Variants in KCNG4 observed in about 807,000 individuals in gnomAD.
KCNG4 encodes the protein potassium voltage-gated channel modifier subfamily G member 4.
Under a neutral mutation model 28.2 loss-of-function variants are expected in KCNG4, and 30 were observed. The ratio of observed to expected loss-of-function variants is 1.06; its 90% CI spans 0.80 to 1.44. The LOEUF is 1.44. Among genes scored for constraint, KCNG4 ranks in the 40% most tolerant of loss-of-function variants. The pLI is 0.00. For synonymous variants in KCNG4, 375 were observed against 315.5 expected (o/e 1.19, Z -2.00); for missense variants, 879 against 712.3 (o/e 1.23, Z -2.66).
At chr16:84,227,312 C>A (rs1904719714) in intron 2 of KCNG4, among the ~76,000 whole-genome samples, 1 of 152,210 alleles carries the variant, frequency 6.6e-6, no homozygotes, top group Non-Finnish European at 1.5e-5. Context: ...TGTGGTGGCT[C>A]ACGCCTGTAA....
chr16:84,228,408 C>T (rs531314506), intron 2 of KCNG4, among the ~76,000 whole-genome samples: 6 of 152,300 alleles, frequency 3.9e-5, no homozygotes, highest in South Asian at 2.1e-4. Context: ...GGCCCTGGCC[C>T]GAGGCCCTGA....
chr16:84,236,392 T>G lies in KCNG4; in HGVS notation c.756+338A>C, dbSNP rs1597621637. The G allele has an allele frequency of 1.2e-5, 5 of 421,424 alleles. No individual in the cohort carries two copies. The South Asian group carries it at 1.6e-4, about 14-fold the overall frequency. 26.1% of individuals were successfully genotyped at this position (421,424 alleles called of 1,614,324 possible). A position where few individuals can be genotyped will look rare whatever the true frequency, so the allele number is the denominator to read the frequency against. On this transcript the variant is annotated intron_variant, in intron 2 of 2. Coordinates refer to ENST00000308251, the MANE Select transcript of KCNG4 (RefSeq NM_172347.3). ...GTGGGAGACAGGCTCAGAGAGGAGG[T>G]GGCGTGATTTGCCTGTAGTCACAGA...
At chr16:84,234,374 T>C (rs2151339522) in intron 2 of KCNG4, among the ~76,000 whole-genome samples, 1 of 152,146 alleles carries the variant, frequency 6.6e-6, no homozygotes, top group Non-Finnish European at 1.5e-5. Context: ...AGATGGAGTT[T>C]TACCGTGTTG....
At chr16:84,234,433 C>T (rs989650980) in intron 2 of KCNG4, among the ~76,000 whole-genome samples, 1 of 152,202 alleles carries the variant, frequency 6.6e-6, no homozygotes, top group African/African-American at 2.4e-5. Context: ...CCCACCTCGG[C>T]TTCCCAGAGT....
intron 2 of KCNG4, among the ~76,000 whole-genome samples, chr16:84,234,239 T>C (rs1364787743): frequency 6.6e-6 from 1 of 152,222 alleles, no homozygotes; most frequent in Non-Finnish European, 1.5e-5. Context: ...AGTGGCACAA[T>C]CTTGGCTCAC....
intron 2 of KCNG4, among the ~76,000 whole-genome samples, chr16:84,230,496 CG>C (rs1397440826): frequency 6.6e-6 from 1 of 151,786 alleles, no homozygotes; most frequent in East Asian, 1.9e-4. Context: ...GGCGTGAACC[CG>C]GGGGGCAGAG....
Position 84,237,146 on chromosome 16 carries a change from C to G in KCNG4, c.340G>C (p.Asp114His). The change falls in exon 2 of 3, where the codon GAC becomes CAC. Residue 114 changes from aspartate to histidine, a missense_variant. Coordinates refer to ENST00000308251, the MANE Select transcript of KCNG4 (RefSeq NM_172347.3). ...ACCCCGAAGGCGCTGGGGCTCCTGT[C>G]GAAGAAGAACTCCTGGCTGTCCTCG... ...YDEDSQEFFF[D>H]RSPSAFGVIV... The G allele has an allele frequency of 6.2e-7, 1 of 1,614,154 alleles. No individual in the cohort carries two copies. The highest frequency in any genetic ancestry group is 8.5e-7 in the Non-Finnish European group (1 of 1,180,038).
intron 2 of KCNG4, among the ~76,000 whole-genome samples, chr16:84,224,318 GT>G (rs1165017112): frequency 6.6e-6 from 1 of 151,960 alleles, no homozygotes; most frequent in African/African-American, 2.4e-5. Flanking sequence ...ATTAATGTAG[GT>G]TTGAGCTGCA....
chr16:84,222,404 G>T lies in KCNG4; in HGVS notation c.1373C>A (p.Ser458Tyr), dbSNP rs141788420. Residue 458 changes from serine to tyrosine, a missense_variant, in exon 3 of 3, where the codon TCC becomes TAC. Ser to Tyr is a moderately radical substitution (Grantham distance 144, BLOSUM62 -2). Coordinates refer to ENST00000308251, the MANE Select transcript of KCNG4 (RefSeq NM_172347.3). ...FPATSIFHTF[S>Y]HSYLELKKEQ... The stretch of plus-strand genomic sequence containing the variant: ...CTTCTTGAGCTCCAGGTAGGAGTGG[G>T]AGAAGGTGTGGAAGATAGACGTGGC... 2 of 1,614,198 alleles carry T rather than the reference G, an allele frequency of 1.2e-6. No individual in the cohort carries two copies. The highest frequency in any genetic ancestry group is 2.2e-5 in the South Asian group (2 of 91,084).
Position 84,222,684 on chromosome 16 carries a change from G to T in KCNG4, c.1093C>A (p.Arg365Ser), listed in dbSNP as rs369952898. 2 of 1,612,970 alleles carry T rather than the reference G, an allele frequency of 1.2e-6. No homozygotes were observed. The highest frequency in any genetic ancestry group is 1.7e-6 in the Non-Finnish European group (2 of 1,179,756). Residue 365 changes from arginine (R) to serine (S), a missense_variant, in exon 3 of 3, where the codon CGC becomes AGC. Physicochemically the swap from Arg to Ser is moderately radical, Grantham distance 110. Transcript: ENST00000308251. ...AGGCCGAACTCACGTGTGCAACGGC[G>T]CACGGTGAGCCCCAGCGTCTGCAGC... is the stretch of plus-strand genomic sequence containing the variant. ...LGLQTLGLTV[R>S]RCTREFGLLL...
chr16:84,222,268 A>G lies in KCNG4; in HGVS notation c.1509T>C (p.Asp503=), dbSNP rs1322033215. 1.9e-6 allele frequency: 3 copies of G among 1,614,208 alleles called. No homozygotes were observed. The highest frequency in any genetic ancestry group is 2.2e-5 in the East Asian group (1 of 44,876). The change falls in exon 3 of 3, where the codon GAT becomes GAC. Residue 503 remains aspartate (D), a synonymous_variant. Transcript: ENST00000308251. ...GGCCCTCCAGGATTAGGTCATTGAC[A>G]TCGTTCATGAGCTCATGTTCACTGG... ...HVASEHELMN[D]VNDLILEGPA...
intron 2 of KCNG4, 141 bp from the exon 3 acceptor site, chr16:84,223,161 T>C (rs77053792): frequency 2.8e-6 from 2 of 702,700 alleles, no homozygotes; most frequent in Non-Finnish European, 2.3e-6. Context: ...AGTTTTCCAG[T>C]TGTGGCTGGG....
intron 2 of KCNG4, among the ~76,000 whole-genome samples, chr16:84,224,856 T>C (rs751362071): frequency 3.3e-5 from 5 of 152,232 alleles, no homozygotes; most frequent in Admixed American, 6.5e-5. Flanking sequence ...AGGAACTTTC[T>C]GTGCCCTACC....
Position 84,239,949 on chromosome 16 carries a change from T to A in KCNG4, c.-320A>T, listed in dbSNP as rs1056248090. 1.3e-5 allele frequency among the ~76,000 whole-genome samples: 2 copies of A among 150,182 alleles called. No individual in the cohort carries two copies. The highest frequency in any genetic ancestry group is 3.0e-5 in the Non-Finnish European group (2 of 67,656). ...TTTTTTTTTTTAAAGGACCCAGAAG[T>A]CCCTTTCCTTATGAGAGATGAGGGT... On this transcript the variant is annotated 5_prime_UTR_variant, in exon 1 of 3. Coordinates refer to ENST00000308251, the MANE Select transcript of KCNG4 (RefSeq NM_172347.3).
Position 84,222,654 on chromosome 16 carries a change from G to A in KCNG4, c.1123C>T (p.Leu375Phe), listed in dbSNP as rs781235723. The change falls in exon 3 of 3, where the codon CTT becomes TTT. Residue 375 changes from leucine (L) to phenylalanine (F), a missense_variant. By Grantham distance (22) the Leu-to-Phe change is conservative. Transcript: ENST00000308251. ...GTGATGGCCACGGCCAGGAAGAGAA[G>A]GAGCAGGCCGAACTCACGTGTGCAA... ...RRCTREFGLL[L>F]LFLAVAITLF... 1.9e-6 allele frequency: 3 copies of A among 1,613,202 alleles called. No individual in the cohort carries two copies. Among genetic ancestry groups the A allele is most frequent in the Non-Finnish European group, 2.5e-6 (3 of 1,179,944 alleles).
Position 84,222,561 on chromosome 16 carries a change from G to A in KCNG4, c.1216C>T (p.Pro406Ser), listed in dbSNP as rs756870448. 6.2e-7 allele frequency: 1 copy of A among 1,613,442 alleles called. No homozygotes were observed. Among genetic ancestry groups the A allele is most frequent in the African/African-American group, 1.3e-5 (1 of 75,054 alleles). ...SGRVLEFTSIPASYWWAIISM... is the reference protein window; with the variant it reads ...SGRVLEFTSISASYWWAIISM... ...ATGATGGCCCACCAATAGGAGGCGG[G>A]GATGCTGGTGAACTCCAGCACCCGC... The change falls in exon 3 of 3, where the codon CCC becomes TCC. Residue 406 changes from proline (P) to serine (S), a missense_variant. Coordinates refer to ENST00000308251, the MANE Select transcript of KCNG4 (RefSeq NM_172347.3).
rs973224864 is a variant in KCNG4, at chr16:84,236,936, G to T, written c.550C>A (p.Leu184Met). 3.1e-6 allele frequency: 5 copies of T among 1,613,642 alleles called. No homozygotes were observed. Among genetic ancestry groups the T allele is most frequent in the Admixed American group, 3.3e-5 (2 of 60,030 alleles). Residue 184 changes from leucine to methionine, a missense_variant, in exon 2 of 3, where the codon CTG (leucine) becomes ATG (methionine). Physicochemically the swap from Leu to Met is conservative, Grantham distance 15. Coordinates refer to ENST00000308251, the MANE Select transcript of KCNG4 (RefSeq NM_172347.3). ...ELAKLHREDV[L>M]RQQRETRRPA... ...CGGCGGGTCTCCCTCTGCTGCCTCA[G>T]TACGTCCTCCCTGTGCAGCTTGGCC...
intron 2 of KCNG4, among the ~76,000 whole-genome samples, chr16:84,233,304 G>A (rs762697816): frequency 1.5e-4 from 23 of 152,168 alleles, no homozygotes; most frequent in Admixed American, 4.6e-4. Context: ...TCTGGCCTTC[G>A]CACCATCATG....
At chr16:84,228,806 G>A (rs1460751673) in intron 2 of KCNG4, among the ~76,000 whole-genome samples, 1 of 152,256 alleles carries the variant, frequency 6.6e-6, no homozygotes, top group African/African-American at 2.4e-5. Flanking sequence ...TGGGCACCCG[G>A]GAGACCCGCT....
Sources: allele counts gnomAD v4.1 joint callset (sites outside exome capture counted in the v4.1 genomes callset), GRCh38; gene constraint gnomAD v4.1.1; transcripts MANE v1.5; gene names NCBI Gene and HGNC (gene_info 2026-07-23, HGNC 2026-07-21).